Variants in SEMA4B observed in about 807,000 individuals in gnomAD.
SEMA4B encodes semaphorin-4B.
Under a neutral mutation model 88.1 loss-of-function variants are expected in SEMA4B, and 55 were observed. That is an observed-to-expected ratio of 0.62 (90% CI 0.50 to 0.78). The LOEUF (loss-of-function observed/expected upper bound fraction) is 0.78, where lower values mean the gene tolerates loss of function less well. SEMA4B is among the 30% of genes least tolerant of loss of function. The pLI is 0.00. For synonymous variants in SEMA4B, 525 were observed against 473.6 expected, an observed-to-expected ratio of 1.11 and a Z score of -1.41; for missense variants, 1,062 against 1,111.9, an observed-to-expected ratio of 0.96 and a Z score of 0.64.
intron 1 of SEMA4B, among the ~76,000 whole-genome samples, chr15:90,207,856 G>A (rs1460447067): frequency 6.6e-6 from 1 of 152,220 alleles, no homozygotes; most frequent in African/African-American, 2.4e-5. Flanking sequence ...GTGGCACACA[G>A]GAGACTGAGG....
At chr15:90,225,474 C>A in intron 11 of SEMA4B, 77 bp downstream of exon 11, 1 of 1,368,916 alleles carries the variant, frequency 7.3e-7, no homozygotes, top group Non-Finnish European at 1.0e-6. Flanking sequence ...CCCCACCCAG[C>A]TTCTCCTCCC....
intron 1 of SEMA4B, among the ~76,000 whole-genome samples, chr15:90,190,875 A>C (rs1567041478): frequency 6.6e-6 from 1 of 152,152 alleles, no homozygotes; most frequent in Non-Finnish European, 1.5e-5. Flanking sequence ...TCTCAGGTTC[A>C]AGTGATCCTT....
intron 1 of SEMA4B, among the ~76,000 whole-genome samples, chr15:90,196,015 G>C (rs1960492533): frequency 6.7e-6 from 1 of 148,518 alleles, no homozygotes; most frequent in South Asian, 2.1e-4. Flanking sequence ...TGCCTCCTGG[G>C]TTCACGACAT....
chr15:90,197,539 G>A (rs1025092298), upstream of SEMA4B, among the ~76,000 whole-genome samples: 9 of 151,696 alleles, frequency 5.9e-5, no homozygotes, highest in African/African-American at 2.2e-4. Flanking sequence ...CCGGGTTCAC[G>A]CCATTCTCCT....
chr15:90,219,802 C>T lies in SEMA4B; in HGVS notation c.394C>T (p.Gln132Ter). ...CGCTCCTTCCCCCCAGCGCGACTGT[C>T]AAAACTACATCAAGATCCTCCTGCC... is the stretch of plus-strand genomic sequence containing the variant. ...FKGKDPQRDC[Q>*]NYIKILLPLS... Residue 132 changes from glutamine to a stop codon, truncating the protein, a stop_gained, in exon 4 of 14, where the codon CAA becomes TAA. Coordinates refer to ENST00000411539, the MANE Select transcript of SEMA4B (RefSeq NM_198925.4). LOFTEE classifies it high-confidence loss of function. 1 of 1,613,310 alleles carries T rather than the reference C, an allele frequency of 6.2e-7. No individual in the cohort carries two copies. Among genetic ancestry groups the T allele is most frequent in the Non-Finnish European group, 8.5e-7 (1 of 1,179,630 alleles).
chr15:90,205,878 C>T (rs1017940477), intron 1 of SEMA4B, among the ~76,000 whole-genome samples: 2 of 152,204 alleles, frequency 1.3e-5, no homozygotes, highest in East Asian at 1.9e-4. Context: ...TTATTAAGTG[C>T]TCCTGATTCA....
At chr15:90,216,287 A>G (rs1350296781) in intron 1 of SEMA4B, among the ~76,000 whole-genome samples, 1 of 152,130 alleles carries the variant, frequency 6.6e-6, no homozygotes, top group Non-Finnish European at 1.5e-5. Flanking sequence ...CATATTTTTA[A>G]GTAAAATACT....
At chr15:90,210,777 A>T (rs2151605411) in intron 1 of SEMA4B, among the ~76,000 whole-genome samples, 1 of 152,188 alleles carries the variant, frequency 6.6e-6, no homozygotes, top group African/African-American at 2.4e-5. Flanking sequence ...CAGCGAGGCG[A>T]TCCCTGGGCT....
At chr15:90,197,162 A>C (rs57765965), upstream of SEMA4B, among the ~76,000 whole-genome samples, 53 of 152,146 alleles carry the variant, frequency 3.5e-4, no homozygotes, top group African/African-American at 1.2e-3. Flanking sequence ...CGAGGTGGGC[A>C]GATCGCTTGA....
chr15:90,216,876 G>T (rs1596145811), intron 1 of SEMA4B, among the ~76,000 whole-genome samples: 1 of 152,202 alleles, frequency 6.6e-6, no homozygotes, highest in African/African-American at 2.4e-5. Context: ...CTCAACATTT[G>T]CATTACTCTG....
chr15:90,215,704 C>G (rs1338591884), intron 1 of SEMA4B, among the ~76,000 whole-genome samples: 1 of 152,014 alleles, frequency 6.6e-6, no homozygotes, highest in Admixed American at 6.6e-5. Flanking sequence ...CCCAGCTACT[C>G]GGGAGGCTGA....
intron 1 of SEMA4B, among the ~76,000 whole-genome samples, chr15:90,187,056 C>T (rs1960187371): frequency 6.6e-6 from 1 of 152,162 alleles, no homozygotes; most frequent in Admixed American, 6.5e-5. Flanking sequence ...CTGAGTCTCC[C>T]CGCTGCATGG....
chr15:90,201,905 A>G (rs1960762016), intron 1 of SEMA4B, among the ~76,000 whole-genome samples, 170 bp downstream of exon 1: 1 of 152,008 alleles, frequency 6.6e-6, no homozygotes, highest in African/African-American at 2.4e-5. Context: ...GGGAGAGGAG[A>G]GGGGAGCTGT....
At position 90,227,966 on chromosome 15, in the gene SEMA4B, C is replaced by G. The variant is rs182710072; in HGVS notation, c.1837C>G (p.Leu613Val). 200 of 1,613,814 alleles carry G rather than the reference C, an allele frequency of 1.2e-4. 1 individual carries two copies. In the African/African-American group the frequency reaches 2.4e-3, roughly 19 times the overall value. Residue 613 changes from leucine (L) to valine (V), a missense_variant, in exon 14 of 14, where the codon CTC becomes GTC. Coordinates refer to ENST00000411539, the MANE Select transcript of SEMA4B (RefSeq NM_198925.4). ...PNTVNTLACP[L>V]LSNLATRLWL... Reference sequence around the variant, plus strand: ...CACAGTGAACACTTTGGCCTGCCCGCTCCTCTCCAACCTGGCGACCCGACT... The same window carrying G: ...CACAGTGAACACTTTGGCCTGCCCGGTCCTCTCCAACCTGGCGACCCGACT...
intron 1 of SEMA4B, among the ~76,000 whole-genome samples, chr15:90,216,433 G>A (rs528921866): frequency 6.6e-6 from 1 of 152,132 alleles, no homozygotes; most frequent in African/African-American, 2.4e-5. Flanking sequence ...ATATAAAACA[G>A]TACACTTGAC....
At chr15:90,190,809 G>T (rs981048856) in intron 1 of SEMA4B, among the ~76,000 whole-genome samples, 3 of 152,050 alleles carry the variant, frequency 2.0e-5, no homozygotes, top group African/African-American at 7.2e-5. Context: ...GTGTGTCAGT[G>T]TCTTGCTCTG....
rs562175515 is a variant in SEMA4B at position 90,185,006 on chromosome 15, G to A, written c.-197G>A. ...TGCGCCGGGCCGGCCTGGCAAGGGG[G>A]ACGAGTCAGTGGACACTCCAGGAAG... On this transcript the variant is annotated 5_prime_UTR_variant, in exon 1 of 15. Transcript: ENST00000332496. 6.0e-4 allele frequency: 588 copies of A among 985,826 alleles called. 4 individuals carry two copies. The African/African-American group carries it at 9.5e-3, about 16-fold the overall frequency. The allele number at this position is 985,826 out of a possible 1,614,324, so 61.1% of individuals were successfully genotyped here.
intron 1 of SEMA4B, among the ~76,000 whole-genome samples, chr15:90,191,387 G>A (rs567732828): frequency 6.6e-6 from 1 of 152,358 alleles, no homozygotes; most frequent in East Asian, 1.9e-4. Flanking sequence ...ATACTTCAGA[G>A]TTGTTGACGC....
chr15:90,191,588 A>G lies in SEMA4B; in HGVS notation c.-122+6507A>G, dbSNP rs75663145. ...TTCAGAGTGATTGTGTGGCTTGCTA[A>G]AAGTCCACAAAATATGGAAGGTAGT... On this transcript the variant is annotated intron_variant, in intron 1 of 14. Transcript: ENST00000332496. Among the ~76,000 whole-genome samples the G allele has an allele frequency of 0.017, 2,587 of 152,308 alleles. 217 individuals are homozygous for G. The East Asian group carries it at 0.24, about 14-fold the overall frequency.
Sources: allele counts gnomAD v4.1 joint callset (sites outside exome capture counted in the v4.1 genomes callset), GRCh38; gene constraint gnomAD v4.1.1; transcripts MANE v1.5; gene names NCBI Gene and HGNC (gene_info 2026-07-23, HGNC 2026-07-21).